The following DIP2C variants were observed in gnomAD, a reference collection of about 807,000 sequenced individuals.
DIP2C encodes the protein DIP2 acetate--CoA ligase C (putative).
DIP2C carries 33 observed loss-of-function variants against 192.4 expected under a neutral mutation model. The observed-to-expected ratio is 0.17, with a 90% CI of 0.13 to 0.23. DIP2C has a LOEUF of 0.23. DIP2C is among the 10% of genes least tolerant of loss of function. The pLI is 1.00. For missense variants in DIP2C, 1,537 were observed against 2,110.1 expected, an observed-to-expected ratio of 0.73 and a Z score of 5.32; for synonymous variants, 979 against 864.1, an observed-to-expected ratio of 1.13 and a Z score of -2.33.
intron 1 of DIP2C, among the ~76,000 whole-genome samples, chr10:605,607 G>GC (rs1852404224): frequency 6.6e-6 from 1 of 152,050 alleles, no homozygotes; most frequent in Non-Finnish European, 1.5e-5. Flanking sequence ...GCAAACCAGG[G>GC]CCCCAATATG....
At chr10:345,357 G>A (rs531793515) in intron 26 of DIP2C, among the ~76,000 whole-genome samples, 4 of 5,692 alleles carry the variant, frequency 7.0e-4, no homozygotes, top group East Asian at 0.5. Flanking sequence ...CATCCACAGC[G>A]TTGTGACATG....
chr10:548,778 T>G (rs1023269238), intron 1 of DIP2C, among the ~76,000 whole-genome samples: 1 of 152,048 alleles, frequency 6.6e-6, no homozygotes, highest in Admixed American at 6.5e-5. Context: ...GATGACATTT[T>G]AATTAAGATG....
chr10:468,123 CAG>C (rs1297910176), intron 3 of DIP2C, among the ~76,000 whole-genome samples: 2 of 152,116 alleles, frequency 1.3e-5, no homozygotes, highest in Non-Finnish European at 2.9e-5. Context: ...AAAAAGCAGA[CAG>C]AAAATTGTGA....
At chr10:401,861 A>C (rs548988041) in intron 9 of DIP2C, among the ~76,000 whole-genome samples, 17 of 150,536 alleles carry the variant, frequency 1.1e-4, no homozygotes, top group Admixed American at 3.3e-4. Flanking sequence ...ACTCTTCCTT[A>C]TGGACAAGTT....
At chr10:538,436 T>C (rs1258583860) in intron 1 of DIP2C, among the ~76,000 whole-genome samples, 2 of 152,238 alleles carry the variant, frequency 1.3e-5, no homozygotes, top group Non-Finnish European at 1.5e-5. Context: ...ACTATAGGCA[T>C]GAGGCATGAG....
chr10:306,013 A>G (rs1956306129), intron 32 of DIP2C, among the ~76,000 whole-genome samples: 1 of 150,592 alleles, frequency 6.6e-6, no homozygotes, highest in Admixed American at 6.6e-5. Context: ...TTTCCTATCT[A>G]AAGTCTGAAA....
At chr10:351,057 G>A (rs1379178712) in intron 24 of DIP2C, among the ~76,000 whole-genome samples, 1 of 152,034 alleles carries the variant, frequency 6.6e-6, no homozygotes, top group African/African-American at 2.4e-5. Context: ...TTCAGAGATT[G>A]GGGACAGAGT....
intron 5 of DIP2C, among the ~76,000 whole-genome samples, chr10:420,921 T>TC (rs1172257759): frequency 6.6e-6 from 1 of 152,170 alleles, no homozygotes; most frequent in East Asian, 1.9e-4. Flanking sequence ...GTGCTTGGAC[T>TC]CCTTAGGACA....
intron 2 of DIP2C, among the ~76,000 whole-genome samples, chr10:483,659 T>TG (rs1355046389): frequency 1.3e-5 from 2 of 152,190 alleles, no homozygotes; most frequent in African/African-American, 2.4e-5. Flanking sequence ...CTCTGCCCCT[T>TG]GCTCCTGAGA....
intron 29 of DIP2C, among the ~76,000 whole-genome samples, chr10:330,518 G>A (rs1300893157): frequency 2.6e-5 from 4 of 151,996 alleles, no homozygotes; most frequent in Non-Finnish European, 5.9e-5. Context: ...TTTAATTAAC[G>A]GGAACGTTCT....
chr10:393,987 T>C (rs1466347554), intron 10 of DIP2C, among the ~76,000 whole-genome samples: 1 of 152,238 alleles, frequency 6.6e-6, no homozygotes, highest in Non-Finnish European at 1.5e-5. Flanking sequence ...ACAGCCATTA[T>C]GGAAAATGGT....
At chr10:587,234 G>C (rs1376839811) in intron 1 of DIP2C, among the ~76,000 whole-genome samples, 2 of 152,212 alleles carry the variant, frequency 1.3e-5, no homozygotes, top group African/African-American at 4.8e-5. Context: ...CTGACAGCGT[G>C]GCGAGGGGCA....
chr10:685,187 CATATATATATATATAT>C (rs1206918396), intron 1 of DIP2C, among the ~76,000 whole-genome samples: 1 of 22,330 alleles, frequency 4.5e-5, no homozygotes, highest in Non-Finnish European at 1.1e-4. Context: ...TATATATATA[CATATATATATATATAT>C]ATATAAACAC....
At chr10:339,031 C>T (rs963147691) in intron 29 of DIP2C, among the ~76,000 whole-genome samples, 4 of 152,178 alleles carry the variant, frequency 2.6e-5, no homozygotes, top group South Asian at 2.1e-4. Context: ...GGGCACCCTG[C>T]GCGGCTGCCC....
chr10:551,420 C>T (rs775135300), intron 1 of DIP2C, among the ~76,000 whole-genome samples: 7 of 152,232 alleles, frequency 4.6e-5, no homozygotes, highest in African/African-American at 9.6e-5. Context: ...GGGGTCCAGG[C>T]TGCAGGTCTG....
intron 1 of DIP2C, among the ~76,000 whole-genome samples, chr10:634,643 T>TG (rs1479451118): frequency 6.6e-6 from 1 of 151,702 alleles, no homozygotes; most frequent in Non-Finnish European, 1.5e-5. Flanking sequence ...TCTCAGCTAC[T>TG]GGGGGGCTGA....
intron 1 of DIP2C, among the ~76,000 whole-genome samples, chr10:598,407 T>G (rs1851845284): frequency 6.6e-6 from 1 of 152,174 alleles, no homozygotes; most frequent in Admixed American, 6.5e-5. Context: ...ACATGGACAT[T>G]CCCTCAATCC....
At chr10:343,927 T>TGTATG (rs894037650) in intron 28 of DIP2C, among the ~76,000 whole-genome samples, 1 of 151,962 alleles carries the variant, frequency 6.6e-6, no homozygotes, top group African/African-American at 2.4e-5. Context: ...TGGACAACCG[T>TGTATG]GTATGGGGTG....
chr10:340,871 C>T, intron 29 of DIP2C: 1 of 472,360 alleles, frequency 2.1e-6, no homozygotes, highest in South Asian at 1.5e-5. Context: ...CCAGCGAGAA[C>T]CCAGGCCCAG....
Sources: gnomAD v4.1 joint callset for allele counts (sites outside exome capture counted in the v4.1 genomes callset) on GRCh38, gnomAD v4.1.1 for gene constraint, MANE v1.5 for transcripts, NCBI Gene and HGNC (gene_info 2026-07-23, HGNC 2026-07-21) for gene names.